Variants in VIT observed in about 807,000 individuals in gnomAD.
The protein encoded by VIT is vitrin.
In VIT, 99 loss-of-function variants were observed where a neutral mutation model predicts 78.0. That is an observed-to-expected ratio of 1.27 (90% confidence interval 1.08 to 1.50). The LOEUF (loss-of-function observed/expected upper bound fraction) is 1.50. VIT is among the 40% of genes most tolerant of loss of function. The pLI is 0.00. For synonymous variants in VIT, 374 were observed against 334.3 expected, an observed-to-expected ratio of 1.12 and a Z score of -1.29; for missense variants, 1,126 against 875.3, an observed-to-expected ratio of 1.29 and a Z score of -3.61.
intron 2 of VIT, among the ~76,000 whole-genome samples, chr2:36,725,801 G>C (rs539783779): frequency 4.3e-4 from 65 of 152,214 alleles, no homozygotes; most frequent in Non-Finnish European, 7.8e-4. Flanking sequence ...GCCGGGCACA[G>C]TGGCTCACGC....
chr2:36,751,403 A>G lies in VIT; in HGVS notation c.276-3518A>G, dbSNP rs190698744. Among the ~76,000 whole-genome samples the G allele has an allele frequency of 4.7e-3, 712 of 152,314 alleles. 2 individuals carry two copies. Among genetic ancestry groups the G allele is most frequent in the Middle Eastern group, 0.01 (3 of 294 alleles). ...AGAGTGAGACCCTATCTCAGAATAA[A>G]TAAATAAATTCCTAGTTAGATCCAC... On this transcript the variant is annotated intron_variant, in intron 4 of 15. Coordinates refer to ENST00000379242, the MANE Select transcript of VIT (RefSeq NM_053276.4).
chr2:36,713,390 G>C (rs1665925178), intron 1 of VIT, among the ~76,000 whole-genome samples: 1 of 152,220 alleles, frequency 6.6e-6, no homozygotes, highest in Non-Finnish European at 1.5e-5. Context: ...AGAATCGTGA[G>C]AAATGAGAAC....
intron 6 of VIT, among the ~76,000 whole-genome samples, chr2:36,765,435 A>AGAGAGAGAGAGAGAGAGAGAGAGAGAGAG (rs1553372934): frequency 7.4e-6 from 1 of 135,276 alleles, no homozygotes; most frequent in Non-Finnish European, 1.6e-5. Flanking sequence ...GAGAGAGAGA[A>AGAGAGAGAGAGAGAGAGAGAGAGAGAGAG]AGAGAGAGAG....
chr2:36,701,944 CA>C, intron 1 of VIT, among the ~76,000 whole-genome samples: 1 of 152,278 alleles, frequency 6.6e-6, no homozygotes, highest in South Asian at 2.1e-4. Flanking sequence ...GAAGAGTGAA[CA>C]AAAACATTTC....
Position 36,808,700 on chromosome 2 carries a change from T to C in VIT, c.1618T>C (p.Phe540Leu). 1 of 1,614,008 alleles carries C rather than the reference T, an allele frequency of 6.2e-7. No homozygotes were observed. The highest frequency in any genetic ancestry group is 1.3e-5 in the African/African-American group (1 of 75,000). The change falls in exon 15 of 16, where the codon TTT becomes CTT. Residue 540 changes from phenylalanine to leucine, a missense_variant. Physicochemically the swap from Phe to Leu is conservative, Grantham distance 22 (BLOSUM62 0). Transcript: ENST00000379242. ...GTTTGTGACCAACCTCACCAAAGAG[T>C]TTGAGATTTCCGACACGGACACGCG... ...LQFVTNLTKE[F>L]EISDTDTRIG...
At chr2:36,748,544 T>C (rs759487181) in intron 4 of VIT, among the ~76,000 whole-genome samples, 3 of 152,256 alleles carry the variant, frequency 2.0e-5, no homozygotes, top group Non-Finnish European at 4.4e-5. Flanking sequence ...TGCTTCCAAA[T>C]GTATTATGAA....
At chr2:36,753,220 G>A (rs1015950509) in intron 4 of VIT, among the ~76,000 whole-genome samples, 9 of 152,058 alleles carry the variant, frequency 5.9e-5, no homozygotes, top group African/African-American at 2.2e-4. Flanking sequence ...TTGGGGGGTG[G>A]GGGAGGGAGA....
At chr2:36,726,838 A>C (rs1168080451) in intron 2 of VIT, among the ~76,000 whole-genome samples, 26 of 148,140 alleles carry the variant, frequency 1.8e-4, no homozygotes, top group African/African-American at 5.9e-4. Flanking sequence ...AAAAAAAAAA[A>C]AAAAACAAAA....
intron 4 of VIT, 95 bp downstream of exon 4, chr2:36,743,351 T>C (rs1667953405): frequency 7.7e-6 from 10 of 1,292,378 alleles, no homozygotes; most frequent in Non-Finnish European, 9.3e-6. Context: ...AGCAAAAATA[T>C]ACAAATATTT....
At chr2:36,710,852 A>G (rs554080801) in intron 1 of VIT, among the ~76,000 whole-genome samples, 13 of 152,352 alleles carry the variant, frequency 8.5e-5, no homozygotes, top group Non-Finnish European at 1.8e-4. Flanking sequence ...TGGGAAACAA[A>G]GCTGTTAAAA....
At chr2:36,768,675 T>C (rs939997898) in intron 7 of VIT, among the ~76,000 whole-genome samples, 1 of 152,070 alleles carries the variant, frequency 6.6e-6, no homozygotes, top group African/African-American at 2.4e-5. Context: ...GCAGCCTGGC[T>C]CTCCTCTTCC....
At chr2:36,726,818 C>CAAAAAAA (rs758452109) in intron 2 of VIT, among the ~76,000 whole-genome samples, 4 of 111,608 alleles carry the variant, frequency 3.6e-5, no homozygotes, top group African/African-American at 1.2e-4. Flanking sequence ...GACTCTGTCT[C>CAAAAAAA]AAAAAAAAAA....
intron 6 of VIT, among the ~76,000 whole-genome samples, chr2:36,762,042 T>C (rs1233159344): frequency 6.6e-6 from 1 of 151,986 alleles, no homozygotes; most frequent in Non-Finnish European, 1.5e-5. Flanking sequence ...GGGAAAAGAG[T>C]GTAGGGCAGA....
At chr2:36,805,138 A>T (rs1280213532) in intron 13 of VIT, among the ~76,000 whole-genome samples, 1 of 151,884 alleles carries the variant, frequency 6.6e-6, no homozygotes, top group Non-Finnish European at 1.5e-5. Flanking sequence ...CCTCGTCTCT[A>T]CAAAAAAAAC....
chr2:36,779,054 CCA>C (rs1670237750), intron 9 of VIT, among the ~76,000 whole-genome samples: 2 of 152,354 alleles, frequency 1.3e-5, no homozygotes, highest in East Asian at 1.9e-4. Context: ...CAAGATCACA[CCA>C]CAGTCTTAGG....
intron 11 of VIT, among the ~76,000 whole-genome samples, chr2:36,786,794 A>T (rs1665126900): frequency 6.6e-6 from 1 of 152,214 alleles, no homozygotes; most frequent in African/African-American, 2.4e-5. Context: ...AATTCTCACA[A>T]CGGGGAGTCT....
In VIT at chr2:36,808,385, T is replaced by A. The variant is rs1392203818; in HGVS notation, c.1390-87T>A. On this transcript the variant is annotated intron_variant, in intron 14 of 15. Transcript: ENST00000379242. Reference sequence around the variant, plus strand: ...CAGAAAACAAGGGCCTGCTTGCTTCTTCACCTGCCCCGGGGGATCAAGCCT... The same window carrying A: ...CAGAAAACAAGGGCCTGCTTGCTTCATCACCTGCCCCGGGGGATCAAGCCT... The A allele has an allele frequency of 2.2e-5, 32 of 1,482,096 alleles. No homozygotes were observed. In the East Asian group the frequency reaches 6.0e-4, roughly 28 times the overall value. 91.8% of individuals were successfully genotyped at this position (1,482,096 alleles called of 1,614,324 possible). A position where few individuals can be genotyped will look rare whatever the true frequency, so the allele number is the denominator to read the frequency against.
At chr2:36,709,372 G>C (rs375736251) in intron 1 of VIT, among the ~76,000 whole-genome samples, 1 of 152,194 alleles carries the variant, frequency 6.6e-6, no homozygotes, top group South Asian at 2.1e-4. Context: ...GCAAGAAATA[G>C]TCTCTACCTC....
intron 12 of VIT, chr2:36,787,721 T>A (rs1021095759): frequency 1.0e-5 from 4 of 399,322 alleles, no homozygotes; most frequent in East Asian, 1.5e-4. Context: ...CCTATCCACC[T>A]ATAGGTTAGA....
Sources: allele counts gnomAD v4.1 joint callset (sites outside exome capture counted in the v4.1 genomes callset), GRCh38; gene constraint gnomAD v4.1.1; transcripts MANE v1.5; gene names NCBI Gene and HGNC (gene_info 2026-07-23, HGNC 2026-07-21).